The following MYH7 variants were observed in gnomAD, a reference collection of about 807,000 sequenced individuals.
MYH7 encodes myosin heavy chain 7.
Under a neutral mutation model 225.4 loss-of-function variants are expected in MYH7, and 129 were observed. The ratio of observed to expected loss-of-function variants is 0.57; its 90% confidence interval spans 0.50 to 0.66. MYH7 has a LOEUF of 0.66. Ranked by LOEUF, MYH7 falls within the 30% of genes least tolerant of loss-of-function variation. MYH7 has a pLI of 0.00. For missense variants in MYH7, 1,649 were observed against 2,517.0 expected (o/e 0.66, Z 7.38); for synonymous variants, 971 against 1,007.6 (o/e 0.96, Z 0.69).
In MYH7 at chr14:23,419,832, G is replaced by C. The variant is rs374300894; in HGVS notation, c.3726+13C>G. 6.2e-7 allele frequency: 1 copy of C among 1,613,974 alleles called. No homozygotes were observed. Among genetic ancestry groups the C allele is most frequent in the East Asian group, 2.2e-5 (1 of 44,876 alleles). Reference sequence around the variant, plus strand: ...GGAGGAAGTTGGAGGAGGGGAGGCCGAGCAGAGCCTGCCTTGGCCTTGATG... The same window carrying C: ...GGAGGAAGTTGGAGGAGGGGAGGCCCAGCAGAGCCTGCCTTGGCCTTGATG... On this transcript the variant is annotated intron_variant, in intron 27 of 39. Coordinates refer to ENST00000355349, the MANE Select transcript of MYH7 (RefSeq NM_000257.4).
chr14:23,427,197 G>A (rs1220580062), intron 17 of MYH7, 43 bp downstream of exon 17: 1 of 1,604,254 alleles, frequency 6.2e-7, no homozygotes, highest in African/African-American at 1.3e-5. Flanking sequence ...GGTGGGGTTG[G>A]GCAGATGGGG....
At chr14:23,420,750 T>G (rs1293043328) in intron 26 of MYH7, among the ~76,000 whole-genome samples, 1 of 152,146 alleles carries the variant, frequency 6.6e-6, no homozygotes, top group Non-Finnish European at 1.5e-5. Context: ...AATTCTGCCC[T>G]CCAGGCCTGT....
rs1060505018 is a variant in MYH7 at position 23,424,817 on chromosome 14, C to A, written c.2631G>T (p.Met877Ile). ...CATTCTTCTCCTGCAGCAGGGACAC[C>A]ATCTTCTCCTCCAGCTCCTTGCGGC... ...EARRKELEEK[M>I]VSLLQEKNDL... is the part of the protein sequence containing the mutation. Residue 877 changes from methionine (M) to isoleucine (I), a missense_variant, in exon 22 of 40, where the codon ATG becomes ATT. This residue lies in a region of MYH7 where 282 missense variants were observed against 315.3 expected (regional missense o/e 0.89). Transcript: ENST00000355349. The A allele has an allele frequency of 6.2e-6, 10 of 1,614,150 alleles. No individual in the cohort carries two copies. The highest frequency in any genetic ancestry group is 8.5e-6 in the Non-Finnish European group (10 of 1,180,038).
At chr14:23,422,563 T>C (rs1400596438) in intron 24 of MYH7, among the ~76,000 whole-genome samples, 1 of 149,048 alleles carries the variant, frequency 6.7e-6, no homozygotes. Context: ...GCCGTATTCT[T>C]TCTTTCTTTC....
intron 6 of MYH7, 149 bp downstream of exon 6, chr14:23,432,330 G>C (rs1892978820): frequency 2.1e-6 from 2 of 964,266 alleles, no homozygotes; most frequent in Admixed American, 3.7e-5. Flanking sequence ...AAAGAGAGGG[G>C]TCAGGGTAAT....
In MYH7 at chr14:23,433,618, C is replaced by T. The variant is rs376160714; in HGVS notation, c.115G>A (p.Val39Met). 6.1e-5 allele frequency: 98 copies of T among 1,614,238 alleles called. No individual in the cohort carries two copies. Among genetic ancestry groups the T allele is most frequent in the South Asian group, 1.1e-4 (10 of 91,080 alleles). Reference sequence around the variant, plus strand: ...ACAAACTCCTGTTTGTCATCAGGCACGAAGACATCCTTCTTGAGGTCAAAA... The same window carrying T: ...ACAAACTCCTGTTTGTCATCAGGCATGAAGACATCCTTCTTGAGGTCAAAA... ...RPFDLKKDVF[V>M]PDDKQEFVKA... is the part of the protein sequence containing the mutation. Residue 39 changes from valine (V) to methionine (M), a missense_variant, in exon 3 of 40, where the codon GTG becomes ATG. Physicochemically the swap from Val to Met is conservative, Grantham distance 21 (BLOSUM62 1). Transcript: ENST00000355349. This position sits in a 1 kb window ranked among gnomAD's most constrained non-coding sequence, Gnocchi z 4.1.
chr14:23,418,315 G>T lies in MYH7; in HGVS notation c.4064C>A (p.Ala1355Asp), dbSNP rs1892313725. 5 of 1,613,726 alleles carry T rather than the reference G, an allele frequency of 3.1e-6. No homozygotes were observed. Among genetic ancestry groups the T allele is most frequent in the Non-Finnish European group, 4.2e-6 (5 of 1,180,042 alleles). Reference protein sequence around the residue: ...EQYEEETEAKAELQRVLSKAN... With the variant: ...EQYEEETEAKDELQRVLSKAN... ...CTTGGAAAGGACGCGCTGCAGCTCG[G>T]CCTTGGCCTCCGTCTCCTCCTCGTA... is the stretch of plus-strand genomic sequence containing the variant. Residue 1355 changes from alanine (A) to aspartate (D), a missense_variant, in exon 30 of 40, where the codon GCC becomes GAC. Around this residue, in one of 12 missense-constraint regions of MYH7, gnomAD observed 687 missense variants for 913.8 expected, o/e 0.75. Coordinates refer to ENST00000355349, the MANE Select transcript of MYH7 (RefSeq NM_000257.4).
chr14:23,413,889 T>C lies in MYH7; in HGVS notation c.5660A>G (p.Glu1887Gly), dbSNP rs375404554. The stretch of plus-strand genomic sequence containing the variant: ...CTTGGACAGGTTGGTGTTGGCTTGC[T>C]CCTCCTGCGGGAGGTGGGAGCATGA... ...AYKRQAEEAE[E>G]QANTNLSKFR... Residue 1887 changes from glutamate to glycine, a missense_variant, in exon 39 of 40, where the codon GAG (glutamate) becomes GGG (glycine). By Grantham distance (98) the Glu-to-Gly change is moderately conservative. Around this residue, in one of 12 missense-constraint regions of MYH7, gnomAD observed 687 missense variants for 913.8 expected, o/e 0.75. Transcript: ENST00000355349. 3 of 1,614,108 alleles carry C rather than the reference T, an allele frequency of 1.9e-6. No individual in the cohort carries two copies. In the African/African-American group the frequency reaches 4.0e-5, roughly 22 times the overall value.
chr14:23,417,957 C>T (rs1892295445), intron 30 of MYH7: 5 of 865,154 alleles, frequency 5.8e-6, no homozygotes, highest in Non-Finnish European at 1.0e-5. Flanking sequence ...CCTTTCCCTG[C>T]CACAGTGCCC....
chr14:23,424,626 C>A, intron 22 of MYH7, 143 bp downstream of exon 22: 1 of 1,400,648 alleles, frequency 7.1e-7, no homozygotes, highest in East Asian at 2.4e-5. Context: ...TGAGGGACCT[C>A]TTTGGAGGTC....
chr14:23,422,384 T>C, intron 24 of MYH7, 59 bp from the exon 25 acceptor site: 1 of 1,612,446 alleles, frequency 6.2e-7, no homozygotes, highest in Non-Finnish European at 8.5e-7. Flanking sequence ...GGTGATTTTG[T>C]TGTTCAGTTA....
Position 23,425,498 on chromosome 14 carries a change from A to G in MYH7, c.2287-80T>C. ...TGGTGGGGATTACCTTAGGAAGGGTAACAGCCTAGAAAAGGATTGCAGGGA... is the reference window on the plus strand; with the variant it reads ...TGGTGGGGATTACCTTAGGAAGGGTGACAGCCTAGAAAAGGATTGCAGGGA... On this transcript the variant is annotated intron_variant, in intron 20 of 39. Coordinates refer to ENST00000355349, the MANE Select transcript of MYH7 (RefSeq NM_000257.4). The surrounding 1 kb of genome is among the most constrained non-coding windows in gnomAD (Gnocchi z 4.6). The G allele has an allele frequency of 6.2e-7, 1 of 1,607,164 alleles. No homozygotes were observed. The highest frequency in any genetic ancestry group is 8.5e-7 in the Non-Finnish European group (1 of 1,176,970).
intron 37 of MYH7, 105 bp downstream of exon 37, chr14:23,414,890 A>G: frequency 1.3e-6 from 2 of 1,580,312 alleles, no homozygotes; most frequent in African/African-American, 1.3e-5. Context: ...CTGCATTCCC[A>G]TCCTCGCCCT....
At position 23,424,044 on chromosome 14, in the gene MYH7, C is replaced by A; in HGVS notation, c.2785G>T (p.Glu929Ter). 1.2e-6 allele frequency: 2 copies of A among 1,614,270 alleles called. No homozygotes were observed. Among genetic ancestry groups the A allele is most frequent in the Non-Finnish European group, 1.7e-6 (2 of 1,180,048 alleles). ...VKEMNERLED[E>*]EEMNAELTAK... ...GTGAGCTCAGCATTCATCTCCTCCT[C>A]ATCCTCCAGCCTCTCGTTCATCTCC... Residue 929 changes from glutamate to a stop codon, truncating the protein, a stop_gained, in exon 23 of 40, where the codon GAG (glutamate) becomes TAG (stop). Transcript: ENST00000355349. LOFTEE classifies it high-confidence loss of function.
At position 23,417,275 on chromosome 14, in the gene MYH7, T is replaced by C; in HGVS notation, c.4397A>G (p.Glu1466Gly). Residue 1466 changes from glutamate to glycine, a missense_variant, in exon 32 of 40, where the codon GAG becomes GGG. This residue lies in a region of MYH7 where 687 missense variants were observed against 913.8 expected (regional missense o/e 0.75). Coordinates refer to ENST00000355349, the MANE Select transcript of MYH7 (RefSeq NM_000257.4). ...AGCCTCCTTCTGCGAGGACTCCAGC[T>C]CCGACTGCGACTCCTCATACTTCTG... Reference protein sequence around the residue: ...WKQKYEESQSELESSQKEARS... With the variant: ...WKQKYEESQSGLESSQKEARS... 1 of 1,614,126 alleles carries C rather than the reference T, an allele frequency of 6.2e-7. No homozygotes were observed. The highest frequency in any genetic ancestry group is 8.5e-7 in the Non-Finnish European group (1 of 1,180,022).
Position 23,428,976 on chromosome 14 carries a change from G to A in MYH7, c.1386C>T (p.Ile462=), listed in dbSNP as rs1432051238. 2.5e-6 allele frequency: 4 copies of A among 1,614,072 alleles called. No individual in the cohort carries two copies. Among genetic ancestry groups the A allele is most frequent in the Non-Finnish European group, 2.5e-6 (3 of 1,180,048 alleles). The change falls in exon 14 of 40, where the codon ATC becomes ATT. Residue 462 remains isoleucine, a synonymous_variant. Coordinates refer to ENST00000355349, the MANE Select transcript of MYH7 (RefSeq NM_000257.4). ...PRQYFIGVLD[I]AGFEIFDFNS... ...TCACATCGAAGATCTCGAAGCCAGC[G>A]ATGTCCAGGACTCCTATGAAGTACT...
chr14:23,427,988 A>G, intron 15 of MYH7, 94 bp from the exon 16 acceptor site: 1 of 1,507,102 alleles, frequency 6.6e-7, no homozygotes, highest in East Asian at 2.3e-5. Flanking sequence ...TGGAGGTGCC[A>G]TGTTGGGTGT....
chr14:23,425,285 C>A lies in MYH7; in HGVS notation c.2420G>T (p.Arg807Leu). Residue 807 changes from arginine (R) to leucine (L), a missense_variant, in exon 21 of 40, where the codon CGT becomes CTT. Around this residue, in one of 12 missense-constraint regions of MYH7, gnomAD observed 36 missense variants for 43.2 expected, o/e 0.83. Transcript: ENST00000355349. This position sits in a 1 kb window ranked among gnomAD's most constrained non-coding sequence, Gnocchi z 4.6. Reference sequence around the variant, plus strand: ...ACCTCCTCTTGAGATCTCTCACCTACGTTCCAGCAGCTTTTTGTACTCCAT... The same window carrying A: ...ACCTCCTCTTGAGATCTCTCACCTAAGTTCCAGCAGCTTTTTGTACTCCAT... ...ARMEYKKLLERRDSLLVIQWN... is the reference protein window; with the variant it reads ...ARMEYKKLLELRDSLLVIQWN... 6.2e-7 allele frequency: 1 copy of A among 1,614,196 alleles called. No homozygotes were observed. The highest frequency in any genetic ancestry group is 8.5e-7 in the Non-Finnish European group (1 of 1,180,040).
chr14:23,434,649 G>A (rs970378147), intron 1 of MYH7, among the ~76,000 whole-genome samples: 1 of 152,194 alleles, frequency 6.6e-6, no homozygotes, highest in African/African-American at 2.4e-5. Flanking sequence ...TGACAGATGA[G>A]GAAATCGAGG....
Sources: gnomAD v4.1 joint callset for allele counts (sites outside exome capture counted in the v4.1 genomes callset) on GRCh38, gnomAD v4.1.1 for gene constraint, gnomAD v4.1.1 regional missense constraint, Gnocchi (gnomAD v3.1) non-coding constraint, MANE v1.5 for transcripts, NCBI Gene and HGNC (gene_info 2026-07-23, HGNC 2026-07-21) for gene names.